TMOD2: variants seen among roughly 807,000 people sequenced by gnomAD.
TMOD2 encodes the protein tropomodulin 2, also known as tropomodulin-2.
Under a neutral mutation model 39.9 loss-of-function variants are expected in TMOD2, and 22 were observed. The ratio of observed to expected loss-of-function variants is 0.55; its 90% CI spans 0.39 to 0.79. TMOD2 has a LOEUF of 0.79. Among genes scored for constraint, TMOD2 ranks in the 30% least tolerant of loss-of-function variants. TMOD2 has a pLI of 0.00. For missense variants in TMOD2, 386 were observed against 413.3 expected (o/e 0.93, Z 0.57); for synonymous variants, 123 against 146.1 (o/e 0.84, Z 1.14).
At chr15:51,764,103 G>A (rs547121435) in intron 1 of TMOD2, among the ~76,000 whole-genome samples, 9 of 151,674 alleles carry the variant, frequency 5.9e-5, no homozygotes, top group South Asian at 2.1e-4. Flanking sequence ...AAAAAGGAGG[G>A]CTGGGAGACC....
Position 51,808,460 on chromosome 15 carries a change from C to T in TMOD2, c.*6C>T, listed in dbSNP as rs778031233. 1 of 1,611,144 alleles carries T rather than the reference C, an allele frequency of 6.2e-7. No homozygotes were observed. Among genetic ancestry groups the T allele is most frequent in the Admixed American group, 1.7e-5 (1 of 59,690 alleles). On this transcript the variant is annotated 3_prime_UTR_variant, in exon 10 of 10. Coordinates refer to ENST00000249700, the MANE Select transcript of TMOD2 (RefSeq NM_014548.4). ...TTGAAGCAGACCGAAGGTAAACTTC[C>T]TTGAGGAGAAGTGAAGTTTCACTGT...
At chr15:51,755,188 C>T (rs1402346037) in intron 1 of TMOD2, among the ~76,000 whole-genome samples, 2 of 152,164 alleles carry the variant, frequency 1.3e-5, no homozygotes, top group African/African-American at 4.8e-5. Context: ...TTTAAGGCTT[C>T]GTGGTTGTGT....
At chr15:51,783,775 A>ATAGATAGATAGATAGATAGG (rs1555462158) in intron 7 of TMOD2, 17 of 151,150 alleles carry the variant, frequency 1.1e-4, no homozygotes, top group East Asian at 3.9e-4. Context: ...AGATAGATAG[A>ATAGATAGATAGATAGATAGG]TAGATAGATA....
chr15:51,770,843 C>T (rs2055848816), intron 3 of TMOD2, among the ~76,000 whole-genome samples: 1 of 152,114 alleles, frequency 6.6e-6, no homozygotes, highest in Non-Finnish European at 1.5e-5. Flanking sequence ...TGAACAGTGA[C>T]AAACCAGGCA....
intron 2 of TMOD2, chr15:51,767,136 C>T (rs1253322243): frequency 6.6e-6 from 1 of 152,212 alleles, no homozygotes; most frequent in African/African-American, 2.4e-5. Flanking sequence ...AGCGATTCTC[C>T]TACCTCAGCC....
At chr15:51,782,199 ACATGATGTGGTGAG>A (rs1283150471) in intron 6 of TMOD2, among the ~76,000 whole-genome samples, 5 of 152,368 alleles carry the variant, frequency 3.3e-5, no homozygotes, top group African/African-American at 1.2e-4. Flanking sequence ...GATAATTATA[ACATGATGTGGTGAG>A]CCACCAAATA....
At chr15:51,758,861 C>T (rs985847809) in intron 1 of TMOD2, among the ~76,000 whole-genome samples, 1 of 152,034 alleles carries the variant, frequency 6.6e-6, no homozygotes, top group African/African-American at 2.4e-5. Flanking sequence ...GAGAGAACAA[C>T]ATAAGGCATG....
chr15:51,781,005 G>A (rs2141626443), intron 5 of TMOD2, 39 bp from the exon 6 acceptor site: 1 of 1,553,004 alleles, frequency 6.4e-7, no homozygotes, highest in East Asian at 2.3e-5. Context: ...TTTGATAGGA[G>A]AGACTTTGCA....
chr15:51,768,460 C>T (rs28604270), intron 3 of TMOD2, 42 bp downstream of exon 3: 653 of 1,352,220 alleles, frequency 4.8e-4, no homozygotes, highest in Admixed American at 6.0e-4. Context: ...GAGGTTCTCT[C>T]TTTTTTTTTT....
intron 8 of TMOD2, among the ~76,000 whole-genome samples, chr15:51,800,529 G>A (rs113189800): frequency 0.033 from 5,058 of 151,500 alleles, 137 homozygotes; most frequent in Non-Finnish European, 0.051. Context: ...GAGCAAGACC[G>A]TGTCTCAAAA....
rs3078133 is a variant in TMOD2, at chr15:51,757,401, CAAAA to C, written c.-70+5709_-70+5712del. Among the ~76,000 whole-genome samples, 595 of 81,890 alleles carry C rather than the reference CAAAA, an allele frequency of 7.3e-3. 5 individuals carry two copies. Among genetic ancestry groups the C allele is most frequent in the African/African-American group, 0.019 (387 of 20,880 alleles). 53.7% of individuals were successfully genotyped at this position (81,890 alleles called of 152,430 possible). A position where few individuals can be genotyped will look rare whatever the true frequency, so the allele number is the denominator to read the frequency against. On this transcript the variant is annotated intron_variant, in intron 1 of 9. Coordinates refer to ENST00000249700, the MANE Select transcript of TMOD2 (RefSeq NM_014548.4). The stretch of plus-strand genomic sequence containing the variant: ...TGGGCGACACAGCCAGACTCCGTCT[CAAAA>C]AAAAAAAAAAAAAAAAAAAGCCATA...
rs2056148142 is a variant in TMOD2, at chr15:51,810,370, CTTAGA to C, written c.*1920_*1924del. 6.6e-6 allele frequency: 1 copy of C among 152,138 alleles called. No individual in the cohort carries two copies. Among genetic ancestry groups the C allele is most frequent in the Admixed American group, 6.6e-5 (1 of 15,258 alleles). The allele number at this position is 152,138 out of a possible 1,614,324, so 9.4% of individuals were successfully genotyped here. Reference sequence around the variant, plus strand: ...CTTACATTTTACTATTTTCTAACCTCTTAGATTATTTACATCTAGTAGGTATGTAT... The same window carrying C: ...CTTACATTTTACTATTTTCTAACCTCTTATTTACATCTAGTAGGTATGTAT... On this transcript the variant is annotated 3_prime_UTR_variant, in exon 10 of 10. Coordinates refer to ENST00000249700, the MANE Select transcript of TMOD2 (RefSeq NM_014548.4).
Position 51,812,674 on chromosome 15 carries a change from G to A in TMOD2, c.*4220G>A, listed in dbSNP as rs765460203. The A allele has an allele frequency of 6.6e-6, 1 of 152,152 alleles. No individual in the cohort carries two copies. The highest frequency in any genetic ancestry group is 2.4e-5 in the African/African-American group (1 of 41,422). 9.4% of individuals were successfully genotyped at this position (152,152 alleles called of 1,614,324 possible). On this transcript the variant is annotated 3_prime_UTR_variant, in exon 10 of 10. Coordinates refer to ENST00000249700, the MANE Select transcript of TMOD2 (RefSeq NM_014548.4). Reference sequence around the variant, plus strand: ...ATAGCATCAGCAAAAATGGGCAGAGGGCGGGAAGTTGAGAACACTAGGTTC... The same window carrying A: ...ATAGCATCAGCAAAAATGGGCAGAGAGCGGGAAGTTGAGAACACTAGGTTC...
At chr15:51,796,697 A>G (rs1472852875) in intron 7 of TMOD2, among the ~76,000 whole-genome samples, 1 of 152,256 alleles carries the variant, frequency 6.6e-6, no homozygotes. Flanking sequence ...ATGCTGTTAT[A>G]GAAGTTGTGT....
chr15:51,795,677 G>T lies in TMOD2; in HGVS notation c.733-2520G>T, dbSNP rs555372436. On this transcript the variant is annotated intron_variant, in intron 7 of 9. Coordinates refer to ENST00000249700, the MANE Select transcript of TMOD2 (RefSeq NM_014548.4). ...CTTCTTAGATGAATGTTGAATCTCT[G>T]CATCTTTCATCCACATCTCTTAAGG... Among the ~76,000 whole-genome samples the T allele has an allele frequency of 6.3e-5, 9 of 142,162 alleles. 1 individual carries two copies. Among genetic ancestry groups the T allele is most frequent in the Non-Finnish European group, 1.1e-4 (7 of 66,168 alleles). The allele number at this position is 142,162 out of a possible 152,430, so 93.3% of individuals were successfully genotyped here.
chr15:51,797,727 T>C (rs920010813), intron 7 of TMOD2, among the ~76,000 whole-genome samples: 1 of 152,178 alleles, frequency 6.6e-6, no homozygotes, highest in African/African-American at 2.4e-5. Flanking sequence ...TTCTGATTTA[T>C]ACATGATCTG....
intron 1 of TMOD2, among the ~76,000 whole-genome samples, chr15:51,753,879 T>A (rs1478794436): frequency 6.6e-6 from 1 of 152,222 alleles, no homozygotes; most frequent in African/African-American, 2.4e-5. Flanking sequence ...TCTTTTAACT[T>A]TTCTATAGAT....
intron 7 of TMOD2, among the ~76,000 whole-genome samples, chr15:51,790,411 G>A (rs566166469): frequency 2.6e-5 from 4 of 152,134 alleles, no homozygotes; most frequent in South Asian, 4.2e-4. Context: ...ATTTACAGCC[G>A]AATTCTACCA....
chr15:51,787,540 C>G (rs1447992623), intron 7 of TMOD2, among the ~76,000 whole-genome samples: 1 of 152,262 alleles, frequency 6.6e-6, no homozygotes, highest in African/African-American at 2.4e-5. Flanking sequence ...AACGGACAGA[C>G]TGCCTCTGCA....
Sources: allele counts gnomAD v4.1 joint callset (sites outside exome capture counted in the v4.1 genomes callset), GRCh38; gene constraint gnomAD v4.1.1; transcripts MANE v1.5; gene names NCBI Gene and HGNC (gene_info 2026-07-23, HGNC 2026-07-21).